NOX4: variants seen among roughly 807,000 people sequenced by gnomAD.
NOX4 encodes NADPH oxidase 4.
NOX4 carries 69 observed loss-of-function variants against 87.6 expected under a neutral mutation model. The observed-to-expected ratio is 0.79, with a 90% confidence interval of 0.65 to 0.96. The LOEUF (loss-of-function observed/expected upper bound fraction) is 0.96. Ranked by LOEUF, NOX4 falls within the 40% of genes least tolerant of loss-of-function variation. The pLI is 0.00. For synonymous variants in NOX4, 275 were observed against 238.2 expected (o/e 1.15, Z -1.42); for missense variants, 680 against 681.5 (o/e 1.00, Z 0.02).
chr11:89,481,263 A>ATG lies in NOX4; in HGVS notation c.153+9193_153+9194dup, dbSNP rs376902576. On this transcript the variant is annotated intron_variant, in intron 2 of 17. Coordinates refer to ENST00000263317, the MANE Select transcript of NOX4 (RefSeq NM_016931.5). ...TTTAACATATATATGTTATATATAT[A>ATG]TGTGTGTGTGTATATATATATACAC... Among the ~76,000 whole-genome samples the ATG allele has an allele frequency of 1.3e-4, 20 of 151,896 alleles. No homozygotes were observed. The South Asian group carries it at 1.9e-3, about 14-fold the overall frequency.
intron 16 of NOX4, among the ~76,000 whole-genome samples, chr11:89,336,982 T>C (rs1464838790): frequency 6.6e-6 from 1 of 152,102 alleles, no homozygotes; most frequent in African/African-American, 2.4e-5. Flanking sequence ...CATTTACTGC[T>C]TGACTCTGTT....
At chr11:89,529,081 A>G in the NOX4 span, among the ~76,000 whole-genome samples, 1 of 151,260 alleles carries the variant, frequency 6.6e-6, no homozygotes, top group African/African-American at 2.4e-5. Context: ...AGAAAGAATT[A>G]AAAAAAAAGA....
At chr11:89,331,428 A>T (rs183867312) in intron 17 of NOX4, among the ~76,000 whole-genome samples, 2,128 of 151,876 alleles carry the variant, frequency 0.014, 16 homozygotes, top group South Asian at 0.031. Flanking sequence ...AGTAAAAATT[A>T]AAAAAAGCTA....
intron 2 of NOX4, among the ~76,000 whole-genome samples, chr11:89,478,369 A>G (rs1946253458): frequency 6.6e-6 from 1 of 152,230 alleles, no homozygotes; most frequent in Non-Finnish European, 1.5e-5. Context: ...CAAAATTTTA[A>G]TAAATCATTT....
chr11:89,457,260 C>T (rs553020346), intron 2 of NOX4, among the ~76,000 whole-genome samples: 137 of 152,186 alleles, frequency 9.0e-4, no homozygotes, highest in Non-Finnish European at 1.4e-3. Flanking sequence ...CTGTCCAAAC[C>T]CTTGCTGATG....
upstream of NOX4, among the ~76,000 whole-genome samples, chr11:89,503,055 T>C (rs1947038609): frequency 6.6e-6 from 1 of 152,038 alleles, no homozygotes; most frequent in East Asian, 1.9e-4. Flanking sequence ...TTTATTTCTT[T>C]GTCCTAGACT....
chr11:89,542,158 A>T, the NOX4 span, among the ~76,000 whole-genome samples: 2 of 152,234 alleles, frequency 1.3e-5, no homozygotes, highest in African/African-American at 4.8e-5. Context: ...TACTAAAAGA[A>T]GGGTAAATAT....
chr11:89,501,471 A>T (rs1347733838), upstream of NOX4, among the ~76,000 whole-genome samples: 1 of 152,088 alleles, frequency 6.6e-6, no homozygotes, highest in African/African-American at 2.4e-5. Context: ...GAGCATCTAT[A>T]GACTCTATAG....
intron 2 of NOX4, among the ~76,000 whole-genome samples, chr11:89,483,556 C>T (rs1310021315): frequency 2.8e-5 from 4 of 142,972 alleles, no homozygotes; most frequent in East Asian, 2.1e-4. Flanking sequence ...AGAATGTAAC[C>T]GAATTTACAG....
chr11:89,550,104 C>T, the NOX4 span, among the ~76,000 whole-genome samples: 6 of 152,130 alleles, frequency 3.9e-5, no homozygotes, highest in African/African-American at 1.4e-4. Flanking sequence ...AACTAATTTA[C>T]ACTCCCACCA....
At chr11:89,396,477 CT>C (rs1941493025) in intron 11 of NOX4, among the ~76,000 whole-genome samples, 1 of 151,880 alleles carries the variant, frequency 6.6e-6, no homozygotes, top group Non-Finnish European at 1.5e-5. Flanking sequence ...TCCTCTTTTC[CT>C]AACTGAATAC....
At chr11:89,357,510 C>T (rs1938161414) in intron 12 of NOX4, among the ~76,000 whole-genome samples, 1 of 152,080 alleles carries the variant, frequency 6.6e-6, no homozygotes, top group African/African-American at 2.4e-5. Context: ...CCAATTTATG[C>T]AGTACTCATT....
At chr11:89,396,118 G>C (rs1941465512) in intron 11 of NOX4, among the ~76,000 whole-genome samples, 1 of 152,096 alleles carries the variant, frequency 6.6e-6, no homozygotes, top group Non-Finnish European at 1.5e-5. Flanking sequence ...TCATGATATT[G>C]ATTCTTCCTG....
chr11:89,381,332 G>A (rs575013657), intron 11 of NOX4, among the ~76,000 whole-genome samples: 7 of 152,232 alleles, frequency 4.6e-5, no homozygotes, highest in South Asian at 2.1e-4. Context: ...AAGCCTGCAC[G>A]TATACATCCA....
At chr11:89,512,026 A>G in the NOX4 span, among the ~76,000 whole-genome samples, 2 of 152,012 alleles carry the variant, frequency 1.3e-5, no homozygotes, top group African/African-American at 2.4e-5. Flanking sequence ...TCAATAGAAA[A>G]TTTTTATTTG....
At chr11:89,480,442 T>C (rs1187350644) in intron 2 of NOX4, among the ~76,000 whole-genome samples, 1 of 152,178 alleles carries the variant, frequency 6.6e-6, no homozygotes, top group Non-Finnish European at 1.5e-5. Flanking sequence ...TATTAAGTCA[T>C]AATGCTCAGC....
Position 89,377,351 on chromosome 11 carries a change from C to A in NOX4, c.1075-3859G>T, listed in dbSNP as rs116569602. Among the ~76,000 whole-genome samples the A allele has an allele frequency of 2.6e-5, 4 of 151,932 alleles. No individual in the cohort carries two copies. In the East Asian group the frequency reaches 7.7e-4, roughly 29 times the overall value. On this transcript the variant is annotated intron_variant, in intron 11 of 17. Coordinates refer to ENST00000263317, the MANE Select transcript of NOX4 (RefSeq NM_016931.5). ...CTTTGACATAAAGTTTGGATCATGT[C>A]GACCTTAATATAAATTCTAGAATAC...
At chr11:89,434,301 G>A (rs111732443) in intron 6 of NOX4, among the ~76,000 whole-genome samples, 2,043 of 152,132 alleles carry the variant, frequency 0.013, 22 homozygotes, top group Non-Finnish European at 0.02. Context: ...ATTAGTCTAT[G>A]GGTTCTCAGC....
intron 11 of NOX4, among the ~76,000 whole-genome samples, chr11:89,382,733 C>T (rs1367501222): frequency 5.9e-5 from 9 of 152,088 alleles, no homozygotes; most frequent in Admixed American, 6.6e-5. Flanking sequence ...GTCACCTCCC[C>T]TGTTCACACC....
Sources: allele counts gnomAD v4.1 joint callset (sites outside exome capture counted in the v4.1 genomes callset), GRCh38; gene constraint gnomAD v4.1.1; transcripts MANE v1.5; gene names NCBI Gene and HGNC (gene_info 2026-07-23, HGNC 2026-07-21).